GRHL1: variants seen among roughly 807,000 people sequenced by gnomAD.
The protein encoded by GRHL1 is grainyhead like transcription factor 1.
A neutral mutation model predicts 75.7 loss-of-function variants in GRHL1; 38 were observed. The ratio of observed to expected loss-of-function variants is 0.50; its 90% confidence interval spans 0.39 to 0.66. GRHL1 has a LOEUF of 0.66. Among genes scored for constraint, GRHL1 ranks in the 30% least tolerant of loss-of-function variants. The pLI is 0.00. For synonymous variants in GRHL1, 266 were observed against 279.4 expected (o/e 0.95, Z 0.48); for missense variants, 589 against 767.5 (o/e 0.77, Z 2.75).
chr2:9,989,609 T>G (rs1172502327), intron 9 of GRHL1, among the ~76,000 whole-genome samples: 1 of 152,144 alleles, frequency 6.6e-6, no homozygotes, highest in Non-Finnish European at 1.5e-5. Flanking sequence ...AGTACAGTGG[T>G]GCGATCCCAG....
chr2:9,964,967 G>T (rs951655069), intron 7 of GRHL1: 10 of 255,872 alleles, frequency 3.9e-5, no homozygotes, highest in Non-Finnish European at 7.4e-5. Flanking sequence ...TTCCTTTTCA[G>T]GAGAATGAGA....
intron 10 of GRHL1, among the ~76,000 whole-genome samples, chr2:9,991,756 G>A (rs887874171): frequency 6.6e-6 from 1 of 152,182 alleles, no homozygotes; most frequent in Non-Finnish European, 1.5e-5. Flanking sequence ...GTGGATATGC[G>A]TCTGTGTGTG....
intron 8 of GRHL1, 74 bp downstream of exon 8, chr2:9,965,455 A>ATTT (rs111854908): frequency 4.6e-5 from 29 of 636,928 alleles, no homozygotes; most frequent in Middle Eastern, 2.6e-4. Context: ...TTGACAACTG[A>ATTT]TTTTTTTTTT....
intron 15 of GRHL1, among the ~76,000 whole-genome samples, chr2:9,999,891 G>A (rs1346821710): frequency 6.6e-6 from 1 of 152,128 alleles, no homozygotes; most frequent in Non-Finnish European, 1.5e-5. Flanking sequence ...TTTGATAATA[G>A]TAGTTCATTT....
chr2:9,976,049 A>G (rs780059057), intron 8 of GRHL1, among the ~76,000 whole-genome samples: 2 of 152,222 alleles, frequency 1.3e-5, no homozygotes, highest in South Asian at 2.1e-4. Flanking sequence ...AAGTAGCACA[A>G]ATACCACAGC....
At chr2:9,993,285 A>T in intron 12 of GRHL1, 41 bp downstream of exon 12, 1 of 1,505,786 alleles carries the variant, frequency 6.6e-7, no homozygotes, top group Non-Finnish European at 9.2e-7. Flanking sequence ...TAATAATGGA[A>T]ATGATTTCAA....
intron 13 of GRHL1, 85 bp from the exon 14 acceptor site, chr2:9,996,231 G>A: frequency 1.1e-6 from 1 of 951,884 alleles, no homozygotes; most frequent in Non-Finnish European, 1.7e-6. Flanking sequence ...TGGTACCGTG[G>A]TCTGTTTTCC....
rs935401144 is a variant in GRHL1 at position 10,001,540 on chromosome 2, G to C, written c.*833G>C. ...TTTGATCGTGTATACCAAGCAGATA[G>C]AATACTGTGCTTAGTGGAACCCGCT... On this transcript the variant is annotated 3_prime_UTR_variant, in exon 16 of 16. Transcript: ENST00000324907. 1 of 152,142 alleles carries C rather than the reference G, an allele frequency of 6.6e-6. No homozygotes were observed. Among genetic ancestry groups the C allele is most frequent in the African/African-American group, 2.4e-5 (1 of 41,428 alleles). 9.4% of individuals were successfully genotyped at this position (152,142 alleles called of 1,614,324 possible).
At chr2:9,971,971 G>A (rs956609270) in intron 8 of GRHL1, among the ~76,000 whole-genome samples, 2 of 152,014 alleles carry the variant, frequency 1.3e-5, no homozygotes, top group African/African-American at 4.8e-5. Context: ...TAAGTACATC[G>A]AACCATGGCA....
At chr2:9,958,380 G>C (rs774071823) in intron 2 of GRHL1, among the ~76,000 whole-genome samples, 3 of 151,882 alleles carry the variant, frequency 2.0e-5, no homozygotes, top group Non-Finnish European at 1.5e-5. Context: ...GAGTTTCACT[G>C]TGTTGCCCAG....
intron 1 of GRHL1, chr2:9,953,008 A>T: frequency 2.2e-6 from 1 of 456,776 alleles, no homozygotes; most frequent in South Asian, 1.5e-5. Flanking sequence ...GCCTTCGGCG[A>T]CTGAAGCCTA....
intron 15 of GRHL1, 76 bp from the exon 16 acceptor site, chr2:10,000,517 G>A: frequency 2.6e-6 from 2 of 759,160 alleles, no homozygotes; most frequent in Admixed American, 2.0e-5. Flanking sequence ...AAGTGGGAGA[G>A]CTAACAGGTC....
chr2:9,991,579 G>A (rs1425857850), intron 10 of GRHL1, among the ~76,000 whole-genome samples: 3 of 152,128 alleles, frequency 2.0e-5, no homozygotes, highest in South Asian at 4.1e-4. Flanking sequence ...CCTCATTGTC[G>A]AGTTTCTTGA....
rs1668595444 is a variant in GRHL1, at chr2:9,990,567, A to G, written c.1270-129A>G. 4.1e-6 allele frequency: 2 copies of G among 484,708 alleles called. No homozygotes were observed. The highest frequency in any genetic ancestry group is 9.0e-5 in the South Asian group (2 of 22,332). The allele number at this position is 484,708 out of a possible 1,614,324, so 30.0% of individuals were successfully genotyped here. A position where few individuals can be genotyped will look rare whatever the true frequency, so the allele number is the denominator to read the frequency against. ...AACTACTATGATAAGCCTCATGAATATAGTAAGTAATGGGGTTCCTGTCCA... is the reference window on the plus strand; with the variant it reads ...AACTACTATGATAAGCCTCATGAATGTAGTAAGTAATGGGGTTCCTGTCCA... On this transcript the variant is annotated intron_variant, in intron 9 of 15. Transcript: ENST00000324907. The surrounding 1 kb of genome is among the most constrained non-coding windows in gnomAD (Gnocchi z 4.2).
chr2:9,982,032 T>G (rs981461464), intron 8 of GRHL1, among the ~76,000 whole-genome samples: 4 of 152,362 alleles, frequency 2.6e-5, no homozygotes, highest in Non-Finnish European at 4.4e-5. Flanking sequence ...GTTAATATCT[T>G]AAGAACTCTT....
chr2:9,970,897 A>G (rs899160333), intron 8 of GRHL1, among the ~76,000 whole-genome samples: 1 of 152,198 alleles, frequency 6.6e-6, no homozygotes, highest in African/African-American at 2.4e-5. Context: ...CCAGCTAAGT[A>G]CCAAGAAGCT....
At position 9,964,669 on chromosome 2, in the gene GRHL1, GATT is replaced by G. The variant is rs1171178620; in HGVS notation, c.1015+330_1015+332del. 5 of 211,150 alleles carry G rather than the reference GATT, an allele frequency of 2.4e-5. No individual in the cohort carries two copies. In the East Asian group the frequency reaches 5.4e-4, roughly 23 times the overall value. 13.1% of individuals were successfully genotyped at this position (211,150 alleles called of 1,614,324 possible). A position where few individuals can be genotyped will look rare whatever the true frequency, so the allele number is the denominator to read the frequency against. ...GGTAATATCTTCTTTAAAAGATTCTGATTATTATTTGGAGATGATGGAGGTAGA... is the reference window on the plus strand; with the variant it reads ...GGTAATATCTTCTTTAAAAGATTCTGATTATTTGGAGATGATGGAGGTAGA... On this transcript the variant is annotated intron_variant, in intron 7 of 15. Transcript: ENST00000324907.
intron 8 of GRHL1, among the ~76,000 whole-genome samples, chr2:9,971,364 C>G (rs1009144544): frequency 2.6e-5 from 4 of 152,024 alleles, no homozygotes; most frequent in Non-Finnish European, 4.4e-5. Context: ...ATCCTACTTG[C>G]GATTGCAAAT....
intron 8 of GRHL1, among the ~76,000 whole-genome samples, chr2:9,979,258 C>T (rs1164254110): frequency 7.2e-6 from 1 of 138,280 alleles, no homozygotes; most frequent in Non-Finnish European, 1.5e-5. Context: ...ACTCTAAAGA[C>T]AGGGTCTCAC....
Sources: gnomAD v4.1 joint callset for allele counts (sites outside exome capture counted in the v4.1 genomes callset) on GRCh38, gnomAD v4.1.1 for gene constraint, Gnocchi (gnomAD v3.1) non-coding constraint, MANE v1.5 for transcripts, NCBI Gene and HGNC (gene_info 2026-07-23, HGNC 2026-07-21) for gene names.